XIRP2: variants seen among roughly 807,000 people sequenced by gnomAD.
XIRP2 encodes xin actin-binding repeat-containing protein 2.
A neutral mutation model predicts 277.0 loss-of-function variants in XIRP2; 236 were observed. The ratio of observed to expected loss-of-function variants is 0.85; its 90% CI spans 0.77 to 0.95. XIRP2 has a LOEUF of 0.95. XIRP2 is among the 40% of genes least tolerant of loss of function. The probability of loss-of-function intolerance (pLI) is 0.00; values close to 1 mark genes in which losing one functional copy is unlikely to be tolerated. For synonymous variants in XIRP2, 1,490 were observed against 1,416.5 expected (o/e 1.05, Z -1.17); for missense variants, 4,640 against 4,157.5 (o/e 1.12, Z -3.19).
intron 2 of XIRP2, among the ~76,000 whole-genome samples, chr2:167,068,047 T>G (rs889948718): frequency 3.9e-5 from 6 of 152,216 alleles, no homozygotes. Flanking sequence ...GTTATATTAG[T>G]CTTTTTTAGT....
chr2:167,198,262 G>T (rs113027436), intron 3 of XIRP2, among the ~76,000 whole-genome samples: 5 of 152,180 alleles, frequency 3.3e-5, no homozygotes, highest in African/African-American at 1.2e-4. Flanking sequence ...ATAGGCAAAG[G>T]GTATTTGGGT....
chr2:167,011,747 A>C (rs1384976918), intron 2 of XIRP2, among the ~76,000 whole-genome samples: 5 of 151,850 alleles, frequency 3.3e-5, no homozygotes, highest in African/African-American at 4.8e-5. Flanking sequence ...CCACAATTTC[A>C]GAGCCTGTTA....
chr2:166,950,393 G>T (rs751560236), intron 2 of XIRP2, among the ~76,000 whole-genome samples: 1 of 151,886 alleles, frequency 6.6e-6, no homozygotes, highest in Non-Finnish European at 1.5e-5. Flanking sequence ...CTTGGGAGTA[G>T]TTACTGATTT....
At chr2:167,014,083 A>G (rs1427483765) in intron 2 of XIRP2, among the ~76,000 whole-genome samples, 4 of 151,594 alleles carry the variant, frequency 2.6e-5, no homozygotes, top group African/African-American at 7.3e-5. Context: ...TGTTATTGCT[A>G]TTTGCATAGA....
chr2:167,128,358 C>T (rs1047126290), intron 2 of XIRP2, among the ~76,000 whole-genome samples: 2 of 152,156 alleles, frequency 1.3e-5, no homozygotes, highest in Non-Finnish European at 2.9e-5. Flanking sequence ...TGTGCGTCCA[C>T]TTACATGCAG....
At chr2:167,160,862 T>C (rs1196697072) in intron 3 of XIRP2, among the ~76,000 whole-genome samples, 1 of 152,232 alleles carries the variant, frequency 6.6e-6, no homozygotes, top group Non-Finnish European at 1.5e-5. Flanking sequence ...AAGTCTCATC[T>C]GAGACAAGGC....
intron 2 of XIRP2, among the ~76,000 whole-genome samples, chr2:167,119,194 GA>G (rs2105302613): frequency 6.6e-6 from 1 of 152,152 alleles, no homozygotes; most frequent in Admixed American, 6.5e-5. Flanking sequence ...ATGAAAAGAA[GA>G]AAAATAGGAA....
At chr2:166,983,611 G>T (rs758902770) in intron 2 of XIRP2, among the ~76,000 whole-genome samples, 4 of 152,048 alleles carry the variant, frequency 2.6e-5, no homozygotes, top group African/African-American at 4.8e-5. Flanking sequence ...TTGAGTTTTT[G>T]TAGTCTTGAC....
intron 1 of XIRP2, among the ~76,000 whole-genome samples, chr2:166,900,290 G>T (rs1486152349): frequency 6.6e-6 from 1 of 151,834 alleles, no homozygotes; most frequent in Non-Finnish European, 1.5e-5. Context: ...GTTTTTAAAT[G>T]TTCGTTATTT....
At chr2:167,046,652 C>T (rs1036208874) in intron 2 of XIRP2, among the ~76,000 whole-genome samples, 2 of 151,926 alleles carry the variant, frequency 1.3e-5, no homozygotes, top group Admixed American at 6.6e-5. Flanking sequence ...AGGCCATTTT[C>T]CTAAATGACT....
At chr2:166,902,414 T>C (rs1410409402) in intron 1 of XIRP2, among the ~76,000 whole-genome samples, 6 of 152,188 alleles carry the variant, frequency 3.9e-5, no homozygotes, top group South Asian at 4.1e-4. Flanking sequence ...TTGTGTTAGG[T>C]GACCTTCTGA....
Position 167,247,211 on chromosome 2 carries a change from A to C in XIRP2, c.5819A>C (p.His1940Pro), listed in dbSNP as rs771631057. The C allele has an allele frequency of 1.2e-6, 2 of 1,613,538 alleles. No homozygotes were observed. Among genetic ancestry groups the C allele is most frequent in the African/African-American group, 2.7e-5 (2 of 74,876 alleles). ...KEAQRSFKEV[H>P]KEGVIKKDAK... ...GCACAAAGAAGTTTCAAAGAGGTAC[A>C]TAAAGAAGGTGTAATAAAAAAAGAT... The change falls in exon 9 of 11, where the codon CAT becomes CCT. Residue 1940 changes from histidine (H) to proline (P), a missense_variant. By Grantham distance (77) the His-to-Pro change is moderately conservative. Transcript: ENST00000409195.
chr2:167,044,678 C>A (rs1394507104), intron 2 of XIRP2, among the ~76,000 whole-genome samples: 1 of 151,934 alleles, frequency 6.6e-6, no homozygotes, highest in Non-Finnish European at 1.5e-5. Flanking sequence ...ACAATAACCA[C>A]AAAAAGAATA....
At chr2:167,041,173 C>A (rs901214624) in intron 2 of XIRP2, among the ~76,000 whole-genome samples, 7 of 152,176 alleles carry the variant, frequency 4.6e-5, no homozygotes, top group Non-Finnish European at 7.4e-5. Flanking sequence ...CCCCTGAAAT[C>A]ATCCGGACAG....
intron 2 of XIRP2, among the ~76,000 whole-genome samples, chr2:167,076,373 T>C (rs1689573770): frequency 6.6e-6 from 1 of 152,128 alleles, no homozygotes; most frequent in Non-Finnish European, 1.5e-5. Context: ...AACAACACCA[T>C]GGAGGGAGGT....
At chr2:167,075,955 C>T (rs759373477) in intron 2 of XIRP2, among the ~76,000 whole-genome samples, 2 of 152,024 alleles carry the variant, frequency 1.3e-5, no homozygotes, top group African/African-American at 2.4e-5. Flanking sequence ...GAATTACAAG[C>T]GTGAGCCACC....
intron 2 of XIRP2, among the ~76,000 whole-genome samples, chr2:167,053,349 GTTC>G (rs1011773502): frequency 2.6e-5 from 4 of 152,118 alleles, no homozygotes; most frequent in African/African-American, 7.2e-5. Context: ...ATATAGCTTA[GTTC>G]TTCTTTGAAA....
At chr2:166,915,324 A>G (rs935434683) in intron 2 of XIRP2, among the ~76,000 whole-genome samples, 2 of 149,082 alleles carry the variant, frequency 1.3e-5, no homozygotes, top group African/African-American at 2.5e-5. Context: ...AAAAAAAAAG[A>G]AAAAGAAATA....
At chr2:166,977,189 G>A (rs1686737929) in intron 2 of XIRP2, among the ~76,000 whole-genome samples, 1 of 152,036 alleles carries the variant, frequency 6.6e-6, no homozygotes, top group Non-Finnish European at 1.5e-5. Flanking sequence ...GTACTTAGCT[G>A]TCAGTGTGTG....
Sources: gnomAD v4.1 joint callset for allele counts (sites outside exome capture counted in the v4.1 genomes callset) on GRCh38, gnomAD v4.1.1 for gene constraint, MANE v1.5 for transcripts, NCBI Gene and HGNC (gene_info 2026-07-23, HGNC 2026-07-21) for gene names.